KLC2: variants seen among roughly 807,000 people sequenced by gnomAD.
The protein encoded by KLC2 is KLC 2.
In KLC2, 35 loss-of-function variants were observed where a neutral mutation model predicts 75.1. The observed-to-expected ratio is 0.47, with a 90% CI of 0.36 to 0.62. The LOEUF (loss-of-function observed/expected upper bound fraction) is 0.62, where lower values mean the gene tolerates loss of function less well. Among genes scored for constraint, KLC2 ranks in the 20% least tolerant of loss-of-function variants. KLC2 has a pLI of 0.00. For synonymous variants in KLC2, 314 were observed against 336.7 expected (o/e 0.93, Z 0.74); for missense variants, 611 against 833.2 (o/e 0.73, Z 3.28).
In KLC2 at chr11:66,267,023, T is replaced by C; in HGVS notation, c.*67T>C. On this transcript the variant is annotated 3_prime_UTR_variant, in exon 16 of 16. Transcript: ENST00000394067. ...ACCCCCCTCACCCCAGCCCTGCGCA[T>C]GGGCCTGCTGCTTGTCCCGCCTGTC... The C allele has an allele frequency of 6.3e-7, 1 of 1,577,622 alleles. No homozygotes were observed. Among genetic ancestry groups the C allele is most frequent in the Non-Finnish European group, 8.6e-7 (1 of 1,165,476 alleles).
chr11:66,265,626 C>T, intron 11 of KLC2, 29 bp from the exon 12 acceptor site: 1 of 1,568,046 alleles, frequency 6.4e-7, no homozygotes, highest in Non-Finnish European at 8.7e-7. Context: ...TCTGGGGGAA[C>T]ATGGAGTTTG....
At chr11:66,266,349 C>T (rs1856823607) in intron 14 of KLC2, 84 bp from the exon 15 acceptor site, 5 of 1,269,238 alleles carry the variant, frequency 3.9e-6, no homozygotes, top group South Asian at 1.3e-5. Context: ...CCAGTCTGTT[C>T]CCTCCCCAGC....
Position 66,267,708 on chromosome 11 carries a change from G to A in KLC2, c.*752G>A, listed in dbSNP as rs1361649976. The A allele has an allele frequency of 3.8e-6, 2 of 519,992 alleles. No homozygotes were observed. The highest frequency in any genetic ancestry group is 6.8e-6 in the Non-Finnish European group (2 of 295,770). 32.2% of individuals were successfully genotyped at this position (519,992 alleles called of 1,614,324 possible). ...CCCCGCCCCGGGCACCGCCCACCGA[G>A]CCATCCTGCCTCGCCTCCCCCCACG... On this transcript the variant is annotated 3_prime_UTR_variant, in exon 16 of 16. Transcript: ENST00000394067.
intron 2 of KLC2, among the ~76,000 whole-genome samples, chr11:66,259,201 C>T (rs1856218538): frequency 6.6e-6 from 1 of 152,096 alleles, no homozygotes; most frequent in African/African-American, 2.4e-5. Flanking sequence ...ATACAGGGCC[C>T]AACAAAATAG....
intron 2 of KLC2, chr11:66,261,373 C>T (rs906679234): frequency 1.0e-5 from 2 of 195,596 alleles, no homozygotes; most frequent in African/African-American, 4.6e-5. Context: ...CAAGCGCTAG[C>T]CCTGAGGCAG....
At chr11:66,253,080 G>C (rs566943012), upstream of KLC2, among the ~76,000 whole-genome samples, 1 of 141,854 alleles carries the variant, frequency 7.0e-6, no homozygotes, top group Admixed American at 7.7e-5. Context: ...CAATTCTCCT[G>C]CCTCAGCCTC....
chr11:66,258,306 C>T, intron 1 of KLC2: 1 of 470,848 alleles, frequency 2.1e-6, no homozygotes, highest in East Asian at 4.0e-5. Flanking sequence ...GTTAGGGGGT[C>T]CCCGGGGAAA....
chr11:66,256,826 C>T (rs971106610), upstream of KLC2, among the ~76,000 whole-genome samples: 2 of 152,134 alleles, frequency 1.3e-5, no homozygotes, highest in Non-Finnish European at 2.9e-5. Flanking sequence ...GGGGACGTCC[C>T]TCTGATCTTT....
rs1340573002 is a variant in KLC2 at position 66,261,982 on chromosome 11, T to C, written c.459+10T>C. 3 of 1,599,114 alleles carry C rather than the reference T, an allele frequency of 1.9e-6. No homozygotes were observed. Among genetic ancestry groups the C allele is most frequent in the Non-Finnish European group, 2.6e-6 (3 of 1,166,558 alleles). On this transcript the variant is annotated intron_variant, in intron 3 of 15. Transcript: ENST00000394067. Reference sequence around the variant, plus strand: ...AGACGCCTCCCCTAACGTGAGCTCCTACCATGGTCACTGTTGCCCAGCAAG... The same window carrying C: ...AGACGCCTCCCCTAACGTGAGCTCCCACCATGGTCACTGTTGCCCAGCAAG...
chr11:66,258,703 G>A lies in KLC2; in HGVS notation c.109G>A (p.Ala37Thr). ...GLETLRGEHR[A>T]LLAPLVAPEA... ...GGAGACTCTGCGTGGGGAGCATCGT[G>A]CCCTGCTGGCTCCTCTGGTTGCACC... is the stretch of plus-strand genomic sequence containing the variant. Residue 37 changes from alanine to threonine, a missense_variant, in exon 2 of 16, where the codon GCC becomes ACC. Physicochemically the swap from Ala to Thr is moderately conservative, Grantham distance 58. Coordinates refer to ENST00000394067, the MANE Select transcript of KLC2 (RefSeq NM_001318734.2). 1 of 1,613,868 alleles carries A rather than the reference G, an allele frequency of 6.2e-7. No homozygotes were observed. Among genetic ancestry groups the A allele is most frequent in the Non-Finnish European group, 8.5e-7 (1 of 1,179,990 alleles).
the KLC2 span, among the ~76,000 whole-genome samples, chr11:66,245,639 T>C: frequency 6.6e-6 from 1 of 150,828 alleles, no homozygotes; most frequent in African/African-American, 2.4e-5. Context: ...TCACTTGAAC[T>C]CAGGAGGTGG....
rs1192017047 is a variant in KLC2, at chr11:66,267,516, C to G, written c.*560C>G. 5.9e-6 allele frequency: 4 copies of G among 673,050 alleles called. No individual in the cohort carries two copies. The highest frequency in any genetic ancestry group is 1.8e-5 in the African/African-American group (1 of 55,958). 41.7% of individuals were successfully genotyped at this position (673,050 alleles called of 1,614,324 possible). A position where few individuals can be genotyped will look rare whatever the true frequency, so the allele number is the denominator to read the frequency against. On this transcript the variant is annotated 3_prime_UTR_variant, in exon 16 of 16. Coordinates refer to ENST00000394067, the MANE Select transcript of KLC2 (RefSeq NM_001318734.2). ...GCGCCTCCCAAGGGGGTCCTGGGACCTTCTCGCGCTCCTCCTGGCCTCTGA... is the reference window on the plus strand; with the variant it reads ...GCGCCTCCCAAGGGGGTCCTGGGACGTTCTCGCGCTCCTCCTGGCCTCTGA...
intron 2 of KLC2, among the ~76,000 whole-genome samples, chr11:66,259,368 G>A (rs887243703): frequency 5.3e-5 from 8 of 152,358 alleles, no homozygotes; most frequent in Non-Finnish European, 8.8e-5. Context: ...GTGAGGAAAT[G>A]ACAAACTGAA....
the KLC2 span, chr11:66,245,076 C>T: frequency 1.3e-5 from 2 of 152,308 alleles, no homozygotes; most frequent in African/African-American, 4.8e-5. Context: ...TCCCCTGCTC[C>T]AGGTTGGTGA....
chr11:66,264,601 C>T (rs143670106), intron 9 of KLC2, among the ~76,000 whole-genome samples, 157 bp downstream of exon 9: 27 of 152,322 alleles, frequency 1.8e-4, no homozygotes, highest in Non-Finnish European at 2.5e-4. Flanking sequence ...CCTGTGCTCA[C>T]GTTTGCACAC....
chr11:66,258,855 C>G (rs766529521), intron 2 of KLC2, 33 bp downstream of exon 2: 1 of 1,456,926 alleles, frequency 6.9e-7, no homozygotes, highest in South Asian at 1.1e-5. Context: ...GGTGGGAGGT[C>G]ACTGGAGGGA....
In KLC2 at chr11:66,258,575, T is replaced by C. The variant is rs1412629577; in HGVS notation, c.-11-9T>C. ...CGGCGCCCGCCTGCCCGCACCCTCG[T>C]CCTCACAGACGCCACAGCCATGGCC... On this transcript the variant is annotated splice_polypyrimidine_tract_variant and intron_variant, in intron 1 of 15. Transcript: ENST00000394067. 2.5e-6 allele frequency: 4 copies of C among 1,590,310 alleles called. No individual in the cohort carries two copies. The highest frequency in any genetic ancestry group is 3.4e-6 in the Non-Finnish European group (4 of 1,160,638).
upstream of KLC2, chr11:66,257,651 GGAGCCGGCCCGGCCCGCGCTCCTTTA>G (rs1470924813): frequency 1.3e-5 from 2 of 152,252 alleles, no homozygotes; most frequent in African/African-American, 4.8e-5. Flanking sequence ...CCCTCCCGCT[GGAGCCGGCCCGGCCCGCGCTCCTTTA>G]AGGCAGCGAA....
At chr11:66,253,930 AT>A (rs1855983344), upstream of KLC2, among the ~76,000 whole-genome samples, 1 of 152,218 alleles carries the variant, frequency 6.6e-6, no homozygotes, top group Non-Finnish European at 1.5e-5. Flanking sequence ...TGTTCTCTCC[AT>A]TTACCGGGAA....
Sources: allele counts gnomAD v4.1 joint callset (sites outside exome capture counted in the v4.1 genomes callset), GRCh38; gene constraint gnomAD v4.1.1; transcripts MANE v1.5; gene names NCBI Gene and HGNC (gene_info 2026-07-23, HGNC 2026-07-21).